CPPED1: variants seen among roughly 807,000 people sequenced by gnomAD.
CPPED1 encodes calcineurin like phosphoesterase domain containing 1.
In CPPED1, 28 loss-of-function variants were observed where a neutral mutation model predicts 28.0. The observed-to-expected ratio is 1.00, with a 90% CI of 0.74 to 1.37. The LOEUF (loss-of-function observed/expected upper bound fraction) is 1.37, where lower values mean the gene tolerates loss of function less well. CPPED1 is among the 40% of genes most tolerant of loss of function. CPPED1 has a pLI of 0.00. For missense variants in CPPED1, 504 were observed against 416.5 expected, an observed-to-expected ratio of 1.21 and a Z score of -1.83; for synonymous variants, 198 against 180.2, an observed-to-expected ratio of 1.10 and a Z score of -0.79.
chr16:12,776,818 C>G (rs1409035545), intron 2 of CPPED1, among the ~76,000 whole-genome samples: 2 of 152,068 alleles, frequency 1.3e-5, no homozygotes, highest in African/African-American at 4.8e-5. Context: ...ACTCAGGAAG[C>G]TGAGGCAGGA....
chr16:12,768,510 T>C (rs1010186409), intron 2 of CPPED1, among the ~76,000 whole-genome samples: 14 of 152,220 alleles, frequency 9.2e-5, no homozygotes, highest in Non-Finnish European at 1.8e-4. Context: ...AGTTTCACCA[T>C]TGAGTTTATA....
At chr16:12,739,373 A>T (rs934172420) in intron 2 of CPPED1, among the ~76,000 whole-genome samples, 1 of 152,150 alleles carries the variant, frequency 6.6e-6, no homozygotes, top group African/African-American at 2.4e-5. Context: ...TGAGGTCAGG[A>T]GTTCAAGACC....
chr16:12,748,625 C>T (rs1039585364), intron 2 of CPPED1, among the ~76,000 whole-genome samples: 1 of 152,102 alleles, frequency 6.6e-6, no homozygotes, highest in African/African-American at 2.4e-5. Flanking sequence ...GTGGCTCATG[C>T]CTGTAATCCC....
chr16:12,699,778 A>C (rs2141183999), intron 3 of CPPED1, among the ~76,000 whole-genome samples: 1 of 147,194 alleles, frequency 6.8e-6, no homozygotes, highest in East Asian at 2.1e-4. Context: ...AGACAGTAGT[A>C]GGGAATAATA....
intron 3 of CPPED1, among the ~76,000 whole-genome samples, chr16:12,678,953 T>A (rs571405194): frequency 6.6e-6 from 1 of 152,356 alleles, no homozygotes; most frequent in Non-Finnish European, 1.5e-5. Context: ...TTCTTGTTGG[T>A]TATAAATTTA....
At chr16:12,729,679 G>C (rs762333505) in intron 2 of CPPED1, among the ~76,000 whole-genome samples, 1 of 152,174 alleles carries the variant, frequency 6.6e-6, no homozygotes, top group Non-Finnish European at 1.5e-5. Context: ...GAGCTAAAAA[G>C]CCATCTTAAA....
intron 2 of CPPED1, among the ~76,000 whole-genome samples, chr16:12,738,640 C>T (rs2080238906): frequency 6.6e-6 from 1 of 152,030 alleles, no homozygotes; most frequent in South Asian, 2.1e-4. Context: ...AAGTGCCTTA[C>T]CTACTTAAAC....
chr16:12,792,190 T>C (rs2080600757), intron 1 of CPPED1, among the ~76,000 whole-genome samples: 1 of 152,110 alleles, frequency 6.6e-6, no homozygotes, highest in South Asian at 2.1e-4. Flanking sequence ...TGACTTCAAG[T>C]GATCCACTTG....
chr16:12,750,990 AAAC>A (rs967939585), intron 2 of CPPED1, among the ~76,000 whole-genome samples: 1 of 151,882 alleles, frequency 6.6e-6, no homozygotes, highest in African/African-American at 2.4e-5. Flanking sequence ...ACAAACAAAC[AAAC>A]AACAACAACA....
chr16:12,796,492 C>A (rs890140271), intron 1 of CPPED1, among the ~76,000 whole-genome samples: 6 of 151,858 alleles, frequency 4.0e-5, no homozygotes, highest in African/African-American at 1.5e-4. Context: ...GAGACTCTGT[C>A]TCAAAAAAAC....
chr16:12,721,621 C>T (rs1278568603), intron 2 of CPPED1, among the ~76,000 whole-genome samples: 2 of 151,852 alleles, frequency 1.3e-5, no homozygotes, highest in Non-Finnish European at 2.9e-5. Context: ...GGCATGGTAG[C>T]GGGCACCTGT....
At chr16:12,730,278 A>T (rs975999175) in intron 2 of CPPED1, among the ~76,000 whole-genome samples, 3 of 152,180 alleles carry the variant, frequency 2.0e-5, no homozygotes, top group Non-Finnish European at 4.4e-5. Context: ...TTCGGATTAC[A>T]GGTGTAAGCC....
Position 12,706,458 on chromosome 16 carries a change from C to CCCTTCCTT in CPPED1, c.290-1417_290-1410dup, listed in dbSNP as rs150569980. Among the ~76,000 whole-genome samples the CCCTTCCTT allele has an allele frequency of 5.9e-4, 88 of 148,304 alleles. 2 individuals carry two copies. In the East Asian group the frequency reaches 0.015, roughly 25 times the overall value. On this transcript the variant is annotated intron_variant, in intron 2 of 3. Coordinates refer to ENST00000381774, the MANE Select transcript of CPPED1 (RefSeq NM_018340.3). The stretch of plus-strand genomic sequence containing the variant: ...ACTTTCTTTCTTTCCCTGCCTCTCT[C>CCCTTCCTT]CCTTCCTTCCTTCCTTCCTTTCCTT...
intron 3 of CPPED1, among the ~76,000 whole-genome samples, chr16:12,687,664 G>A (rs375477585): frequency 1.3e-5 from 2 of 152,094 alleles, no homozygotes; most frequent in South Asian, 2.1e-4. Context: ...CCAGCTACTC[G>A]GAAGGCTGAG....
intron 2 of CPPED1, among the ~76,000 whole-genome samples, chr16:12,735,458 C>T (rs1157821850): frequency 1.3e-5 from 2 of 152,222 alleles, no homozygotes; most frequent in African/African-American, 2.4e-5. Context: ...GCGCACATTA[C>T]CGTCCCTGGC....
chr16:12,731,311 G>A (rs1431809787), intron 2 of CPPED1, among the ~76,000 whole-genome samples: 1 of 150,914 alleles, frequency 6.6e-6, no homozygotes, highest in African/African-American at 2.4e-5. Flanking sequence ...CCGCCACCAC[G>A]CCTGGCTGAT....
chr16:12,711,028 G>C (rs941721534), intron 2 of CPPED1, among the ~76,000 whole-genome samples: 8 of 152,318 alleles, frequency 5.3e-5, no homozygotes, highest in Non-Finnish European at 1.0e-4. Context: ...AGAGATGTTT[G>C]TACACCTATG....
intron 2 of CPPED1, among the ~76,000 whole-genome samples, chr16:12,750,977 A>AAAAC (rs1021190379): frequency 3.3e-5 from 5 of 152,130 alleles, no homozygotes; most frequent in African/African-American, 1.2e-4. Context: ...CAAAAAAGGA[A>AAAAC]AAACAAACAA....
At chr16:12,789,343 AC>A (rs1384036604) in intron 1 of CPPED1, among the ~76,000 whole-genome samples, 3 of 152,194 alleles carry the variant, frequency 2.0e-5, no homozygotes. Flanking sequence ...AAAGGAAAAT[AC>A]ATTGACTGAA....
Sources: gnomAD v4.1 joint callset for allele counts (sites outside exome capture counted in the v4.1 genomes callset) on GRCh38, gnomAD v4.1.1 for gene constraint, MANE v1.5 for transcripts, NCBI Gene and HGNC (gene_info 2026-07-23, HGNC 2026-07-21) for gene names.